DAPK2: variants seen among roughly 807,000 people sequenced by gnomAD.
The protein encoded by DAPK2 is death-associated protein kinase 2.
DAPK2 carries 35 observed loss-of-function variants against 44.1 expected under a neutral mutation model. The observed-to-expected ratio is 0.79, with a 90% confidence interval of 0.61 to 1.05. The LOEUF (loss-of-function observed/expected upper bound fraction) is 1.05, where lower values mean the gene tolerates loss of function less well. Among genes scored for constraint, DAPK2 ranks in the 50% least tolerant of loss-of-function variants. The probability of loss-of-function intolerance (pLI) is 0.00; values close to 1 mark genes in which losing one functional copy is unlikely to be tolerated. For missense variants in DAPK2, 453 were observed against 483.2 expected, an observed-to-expected ratio of 0.94 and a Z score of 0.59; for synonymous variants, 174 against 182.6, an observed-to-expected ratio of 0.95 and a Z score of 0.38.
chr15:63,981,928 T>C (rs1260022373), intron 2 of DAPK2, among the ~76,000 whole-genome samples: 2 of 151,792 alleles, frequency 1.3e-5, no homozygotes, highest in African/African-American at 4.8e-5. Context: ...AATGCAAGAG[T>C]ATGCAAATGT....
intron 1 of DAPK2, among the ~76,000 whole-genome samples, chr15:64,021,069 A>G (rs1009144172): frequency 6.6e-6 from 1 of 152,154 alleles, no homozygotes. Flanking sequence ...GAAAGCCACA[A>G]CCCTGATCTA....
At position 64,033,680 on chromosome 15, in the gene DAPK2, G is replaced by A. The variant is rs542911348; in HGVS notation, c.92+6490C>T. 1.6e-4 allele frequency among the ~76,000 whole-genome samples: 25 copies of A among 152,082 alleles called. No homozygotes were observed. The South Asian group carries it at 4.2e-3, about 25-fold the overall frequency. ...TCCCAACACTTTGGGAGGCCGAGGC[G>A]GGTGGATCACGAGGTCAGGAGATGG... On this transcript the variant is annotated intron_variant, in intron 1 of 10. Coordinates refer to ENST00000261891, the Ensembl canonical transcript of DAPK2.
intron 5 of DAPK2, among the ~76,000 whole-genome samples, chr15:63,930,149 C>A (rs999513757): frequency 6.6e-6 from 1 of 152,224 alleles, no homozygotes; most frequent in East Asian, 1.9e-4. Flanking sequence ...TGCGCCTCCC[C>A]CTTGCCTCTC....
At chr15:63,910,243 T>C (rs2078752941) in intron 10 of DAPK2, among the ~76,000 whole-genome samples, 1 of 152,202 alleles carries the variant, frequency 6.6e-6, no homozygotes, top group African/African-American at 2.4e-5. Context: ...GGGCCATAAA[T>C]CCTCAAGTGC....
chr15:64,044,480 C>T (rs543179651), upstream of DAPK2, among the ~76,000 whole-genome samples: 10 of 152,312 alleles, frequency 6.6e-5, no homozygotes, highest in South Asian at 2.1e-3. Flanking sequence ...TTGAAAACCA[C>T]TGCTGTCTGG....
intron 3 of DAPK2, among the ~76,000 whole-genome samples, chr15:63,964,941 G>A (rs2078013026): frequency 6.6e-6 from 1 of 152,064 alleles, no homozygotes; most frequent in African/African-American, 2.4e-5. Flanking sequence ...CTCCAGGATT[G>A]GTCCCTGGTG....
intron 1 of DAPK2, among the ~76,000 whole-genome samples, chr15:63,998,583 G>A (rs959942840): frequency 1.3e-5 from 2 of 152,158 alleles, no homozygotes; most frequent in African/African-American, 4.8e-5. Context: ...TGGCTCCCTG[G>A]GTCTCTGCAG....
chr15:64,046,436 C>G (rs1156486773), upstream of DAPK2: 4 of 258,214 alleles, frequency 1.5e-5, no homozygotes, highest in South Asian at 6.5e-4. The surrounding 1 kb of genome is among the most constrained non-coding windows in gnomAD (Gnocchi z 5.3). Flanking sequence ...CTGCAGTCCT[C>G]TCCTCCCAGA....
At chr15:63,955,605 G>C (rs2077702391) in intron 3 of DAPK2, among the ~76,000 whole-genome samples, 1 of 152,116 alleles carries the variant, frequency 6.6e-6, no homozygotes, top group Admixed American at 6.5e-5. Context: ...GTCTCACTCT[G>C]TCACCGAGGC....
At chr15:64,004,728 G>C (rs762653227) in intron 1 of DAPK2, among the ~76,000 whole-genome samples, 1 of 152,104 alleles carries the variant, frequency 6.6e-6, no homozygotes, top group Non-Finnish European at 1.5e-5. Flanking sequence ...TTTCGCACAG[G>C]CTCCAGGGCA....
intron 4 of DAPK2, among the ~76,000 whole-genome samples, chr15:63,934,248 A>ATTTTT (rs2077065496): frequency 1.4e-5 from 1 of 69,656 alleles, no homozygotes; most frequent in Non-Finnish European, 3.2e-5. Flanking sequence ...GTTTTATCCT[A>ATTTTT]GTTTTTTTTT....
chr15:64,035,283 G>T (rs1297821475), intron 1 of DAPK2, among the ~76,000 whole-genome samples: 10 of 152,150 alleles, frequency 6.6e-5, no homozygotes, highest in African/African-American at 2.4e-4. Flanking sequence ...GCATGCAGTA[G>T]TTGTCTATGT....
At chr15:63,931,709 A>G (rs551489764) in intron 4 of DAPK2, among the ~76,000 whole-genome samples, 2 of 152,282 alleles carry the variant, frequency 1.3e-5, no homozygotes, top group African/African-American at 4.8e-5. Flanking sequence ...TACAGGAAGG[A>G]GCAGGAGCTG....
At chr15:63,979,149 A>G (rs574231958) in intron 2 of DAPK2, among the ~76,000 whole-genome samples, 1 of 152,292 alleles carries the variant, frequency 6.6e-6, no homozygotes, top group African/African-American at 2.4e-5. Context: ...GGCCAGCCCA[A>G]CCTTCACAGG....
chr15:63,992,580 C>A (rs2078848395), intron 1 of DAPK2, among the ~76,000 whole-genome samples: 1 of 152,210 alleles, frequency 6.6e-6, no homozygotes. Context: ...GCTGGAGAGG[C>A]AGGGAGTGAT....
intron 1 of DAPK2, among the ~76,000 whole-genome samples, chr15:64,015,099 T>C (rs946651427): frequency 6.6e-6 from 1 of 151,808 alleles, no homozygotes; most frequent in Non-Finnish European, 1.5e-5. Context: ...GATTCTGCAG[T>C]GTTAAGTAAA....
At chr15:63,998,438 T>C (rs2079003901) in intron 1 of DAPK2, among the ~76,000 whole-genome samples, 2 of 152,152 alleles carry the variant, frequency 1.3e-5, no homozygotes, top group South Asian at 4.1e-4. Flanking sequence ...GGATGGACTG[T>C]CTCCCTCAGG....
At chr15:63,922,740 G>T in intron 8 of DAPK2, 1 of 1,516,290 alleles carries the variant, frequency 6.6e-7, no homozygotes, top group Non-Finnish European at 8.8e-7. Flanking sequence ...GGCGATTAGA[G>T]CTTCCAGCCT....
rs573849906 is a variant in DAPK2, at chr15:63,912,889, G to A, written c.859-692C>T. 3.9e-5 allele frequency among the ~76,000 whole-genome samples: 6 copies of A among 152,248 alleles called. No individual in the cohort carries two copies. The highest frequency in any genetic ancestry group is 2.1e-4 in the South Asian group (1 of 4,826). On this transcript the variant is annotated intron_variant, in intron 8 of 10. Transcript: ENST00000261891. This position sits in a 1 kb window ranked among gnomAD's most constrained non-coding sequence, Gnocchi z 4.4. ...AATAAGTTATTGTGAGCTTTCCTGC[G>A]TTCTCCATTCCCTTTTCAACACCCC...
Sources: allele counts gnomAD v4.1 joint callset (sites outside exome capture counted in the v4.1 genomes callset), GRCh38; gene constraint gnomAD v4.1.1; non-coding constraint Gnocchi (gnomAD v3.1); transcripts MANE v1.5; gene names NCBI Gene and HGNC (gene_info 2026-07-23, HGNC 2026-07-21).